The following PTPRD variants were observed in gnomAD, a reference collection of about 807,000 sequenced individuals.
PTPRD encodes the protein receptor-type tyrosine-protein phosphatase delta.
A neutral mutation model predicts 214.5 loss-of-function variants in PTPRD; 34 were observed. That is an observed-to-expected ratio of 0.16 (90% CI 0.12 to 0.21). The LOEUF is 0.21. Among genes scored for constraint, PTPRD ranks in the 10% least tolerant of loss-of-function variants. PTPRD has a pLI of 1.00. For synonymous variants in PTPRD, 1,128 were observed against 845.7 expected, an observed-to-expected ratio of 1.33 and a Z score of -5.79; for missense variants, 2,545 against 2,398.7, an observed-to-expected ratio of 1.06 and a Z score of -1.27.
intron 9 of PTPRD, among the ~76,000 whole-genome samples, chr9:9,294,310 C>T (rs952664258): frequency 1.3e-5 from 2 of 151,684 alleles, no homozygotes; most frequent in African/African-American, 4.8e-5. Flanking sequence ...TGTACACTAA[C>T]CTGTGTATAT....
At chr9:9,353,363 A>G (rs1284925116) in intron 9 of PTPRD, among the ~76,000 whole-genome samples, 2 of 151,996 alleles carry the variant, frequency 1.3e-5, no homozygotes, top group Non-Finnish European at 2.9e-5. Context: ...ACAGAATTTT[A>G]TAACAGGAAT....
chr9:9,013,374 T>C (rs1208613779), intron 11 of PTPRD, among the ~76,000 whole-genome samples: 1 of 152,120 alleles, frequency 6.6e-6, no homozygotes, highest in Non-Finnish European at 1.5e-5. Context: ...CATTGATCAT[T>C]GATGATAGCA....
At chr9:10,558,499 A>T (rs916664644) in intron 2 of PTPRD, among the ~76,000 whole-genome samples, 6 of 151,818 alleles carry the variant, frequency 4.0e-5, no homozygotes, top group Admixed American at 4.0e-4. Context: ...CCCCTCTCCA[A>T]CCTCTCCAGC....
intron 5 of PTPRD, among the ~76,000 whole-genome samples, chr9:9,782,461 T>C (rs571374617): frequency 2.6e-5 from 4 of 152,328 alleles, no homozygotes; most frequent in Admixed American, 2.0e-4. Flanking sequence ...AATCATAGAC[T>C]AATTGAGGTA....
rs2092229734 is a variant in PTPRD at position 10,247,068 on chromosome 9, A to G, written c.-545+93895T>C. 2.0e-5 allele frequency among the ~76,000 whole-genome samples: 3 copies of G among 152,140 alleles called. No homozygotes were observed. In the South Asian group the frequency reaches 6.2e-4, roughly 31 times the overall value. ...AGGGTCAAAGAGAAAAAATCTTCAC[A>G]TGCATAAAATGTAAGGCAACTTTAC... On this transcript the variant is annotated intron_variant, in intron 3 of 45. Transcript: ENST00000381196.
At chr9:8,506,805 C>T (rs2097551113) in intron 22 of PTPRD, among the ~76,000 whole-genome samples, 1 of 152,220 alleles carries the variant, frequency 6.6e-6, no homozygotes, top group South Asian at 2.1e-4. Context: ...GTTATACACA[C>T]TCACCTTCAT....
At chr9:9,134,165 CG>C in intron 10 of PTPRD, among the ~76,000 whole-genome samples, 1 of 138,834 alleles carries the variant, frequency 7.2e-6, no homozygotes, top group South Asian at 2.2e-4. Context: ...CTCCGCTTCC[CG>C]GGTTCACGCC....
chr9:9,579,670 C>T (rs544943765), intron 7 of PTPRD, among the ~76,000 whole-genome samples: 1 of 152,104 alleles, frequency 6.6e-6, no homozygotes, highest in African/African-American at 2.4e-5. Flanking sequence ...AGCACAAACT[C>T]TCCTACCCTT....
chr9:8,341,092 G>A lies in PTPRD; in HGVS notation c.5124C>T (p.Tyr1708=), dbSNP rs2132420059. The change falls in exon 41 of 46, where the codon TAC becomes TAT. Residue 1708 remains tyrosine (Y), a splice_region_variant and synonymous_variant. Transcript: ENST00000381196. ...GTCAGGGGAGCAAAAGTAGATACCT[G>A]TATCCATCAATAAAACTGGCATTGA... ...DYINASFIDG[Y]RQQKAYIATQ... is the part of the protein sequence containing the mutation. 6.2e-7 allele frequency: 1 copy of A among 1,606,982 alleles called. No homozygotes were observed. Among genetic ancestry groups the A allele is most frequent in the Non-Finnish European group, 8.5e-7 (1 of 1,176,800 alleles).
intron 9 of PTPRD, among the ~76,000 whole-genome samples, chr9:9,373,806 G>A (rs990507442): frequency 2.1e-4 from 32 of 152,074 alleles, no homozygotes; most frequent in Non-Finnish European, 7.4e-5. Flanking sequence ...TTAGGACTTG[G>A]AAATCTCTGG....
At chr9:10,284,910 T>C (rs1408019394) in intron 3 of PTPRD, among the ~76,000 whole-genome samples, 2 of 152,200 alleles carry the variant, frequency 1.3e-5, no homozygotes, top group East Asian at 1.9e-4. Context: ...GAATTCTGCA[T>C]AGCACATTCA....
At chr9:10,566,549 C>T (rs556150264) in intron 2 of PTPRD, among the ~76,000 whole-genome samples, 192 of 151,996 alleles carry the variant, frequency 1.3e-3, no homozygotes, top group Non-Finnish European at 2.4e-3. Flanking sequence ...GGTTGTTTTT[C>T]TGATTTGTAG....
chr9:9,616,631 G>A (rs147625722), intron 7 of PTPRD, among the ~76,000 whole-genome samples: 97 of 152,138 alleles, frequency 6.4e-4, no homozygotes, highest in African/African-American at 2.0e-3. Flanking sequence ...CCCAAAACTC[G>A]TTGGGGCTAA....
At chr9:8,674,104 CA>C (rs1016924995) in intron 12 of PTPRD, among the ~76,000 whole-genome samples, 7 of 152,136 alleles carry the variant, frequency 4.6e-5, no homozygotes, top group Admixed American at 4.6e-4. Context: ...ATGGGAATAA[CA>C]AAAAATCACA....
intron 5 of PTPRD, among the ~76,000 whole-genome samples, chr9:9,928,977 T>C (rs2085365185): frequency 6.6e-6 from 1 of 152,176 alleles, no homozygotes; most frequent in Non-Finnish European, 1.5e-5. Flanking sequence ...ATAGAGACTA[T>C]TTAGAACAAA....
At chr9:10,248,907 T>C (rs2154367956) in intron 3 of PTPRD, among the ~76,000 whole-genome samples, 1 of 152,166 alleles carries the variant, frequency 6.6e-6, no homozygotes, top group Admixed American at 6.5e-5. Flanking sequence ...ATACTAGATT[T>C]CCACTCAAAT....
chr9:10,221,512 A>T (rs2099570984), intron 3 of PTPRD, among the ~76,000 whole-genome samples: 1 of 152,040 alleles, frequency 6.6e-6, no homozygotes, highest in African/African-American at 2.4e-5. Context: ...GCAGTTGTGA[A>T]ATAGTAATAT....
rs544084431 is a variant in PTPRD at position 9,270,623 on chromosome 9, G to C, written c.-202-87260C>G. On this transcript the variant is annotated intron_variant, in intron 9 of 45. Transcript: ENST00000381196. ...GATTCCAGGAAAAATTTGATTCTAA[G>C]TGCAAAAGAAGAGCCATAGAAGTTA... is the stretch of plus-strand genomic sequence containing the variant. Among the ~76,000 whole-genome samples, 28 of 151,426 alleles carry C rather than the reference G, an allele frequency of 1.8e-4. No homozygotes were observed. The South Asian group carries it at 5.0e-3, about 27-fold the overall frequency.
rs1280675224 is a variant in PTPRD, at chr9:10,305,402, A to G, written c.-545+35561T>C. On this transcript the variant is annotated intron_variant, in intron 3 of 45. Transcript: ENST00000381196. ...CAATGGCAAAAAAAAAAAAAAAAAA[A>G]AGCCAAAATTGACAAATGGGATCTG... is the stretch of plus-strand genomic sequence containing the variant. 2.2e-4 allele frequency among the ~76,000 whole-genome samples: 32 copies of G among 146,194 alleles called. 1 individual carries two copies. The highest frequency in any genetic ancestry group is 1.4e-3 in the Admixed American group (20 of 14,438).
Sources: gnomAD v4.1 joint callset for allele counts (sites outside exome capture counted in the v4.1 genomes callset) on GRCh38, gnomAD v4.1.1 for gene constraint, MANE v1.5 for transcripts, NCBI Gene and HGNC (gene_info 2026-07-23, HGNC 2026-07-21) for gene names.